ABCC3: variants seen among roughly 807,000 people sequenced by gnomAD.
ABCC3 encodes ATP binding cassette subfamily C member 3, also known as ATP-binding cassette sub-family C member 3.
In ABCC3, 121 loss-of-function variants were observed where a neutral mutation model predicts 165.3. That is an observed-to-expected ratio of 0.73 (90% CI 0.63 to 0.85). ABCC3 has a LOEUF of 0.85. ABCC3 is among the 40% of genes least tolerant of loss of function. ABCC3 has a pLI of 0.00. For synonymous variants in ABCC3, 733 were observed against 810.1 expected, an observed-to-expected ratio of 0.90 and a Z score of 1.62; for missense variants, 1,869 against 1,964.1, an observed-to-expected ratio of 0.95 and a Z score of 0.92.
intron 23 of ABCC3, among the ~76,000 whole-genome samples, chr17:50,677,073 G>A (rs1195004843): frequency 2.0e-5 from 3 of 152,118 alleles, no homozygotes; most frequent in African/African-American, 7.2e-5. Context: ...GTAGAGATGG[G>A]GTTTCACTAT....
chr17:50,640,574 A>G (rs1269681832), intron 1 of ABCC3, among the ~76,000 whole-genome samples: 1 of 152,198 alleles, frequency 6.6e-6, no homozygotes, highest in African/African-American at 2.4e-5. Flanking sequence ...GCTGGAGTGC[A>G]GTGGCGTGAT....
At position 50,683,745 on chromosome 17, in the gene ABCC3, G is replaced by T. The variant is rs370860497; in HGVS notation, c.3943G>T (p.Gly1315Cys). 2.9e-5 allele frequency: 46 copies of T among 1,604,764 alleles called. No homozygotes were observed. The highest frequency in any genetic ancestry group is 3.6e-5 in the Non-Finnish European group (42 of 1,176,674). ...VLRDLSLHVH[G>C]GEKVGIVGRT... ...GAGAGACCTGAGTCTGCATGTGCACGGTGGCGAGAAGGTACGCGTGGGGTA... is the reference window on the plus strand; with the variant it reads ...GAGAGACCTGAGTCTGCATGTGCACTGTGGCGAGAAGGTACGCGTGGGGTA... The change falls in exon 27 of 31, where the codon GGT (glycine) becomes TGT (cysteine). Residue 1315 changes from glycine (G) to cysteine (C), a missense_variant. Gly to Cys is a radical substitution (Grantham distance 159). Coordinates refer to ENST00000285238, the MANE Select transcript of ABCC3 (RefSeq NM_003786.4).
rs377587600 is a variant in ABCC3, at chr17:50,675,437, A to G, written c.2675A>G (p.Asn892Ser). The G allele has an allele frequency of 1.9e-6, 3 of 1,613,940 alleles. No homozygotes were observed. Among genetic ancestry groups the G allele is most frequent in the African/African-American group, 2.7e-5 (2 of 74,920 alleles). Reference protein sequence around the residue: ...TLSNHTDLTDNDPVTYVVQKQ... With the variant: ...TLSNHTDLTDSDPVTYVVQKQ... ...AGCAACCACACGGATCTGACAGACA[A>G]TGATCCAGTCACCTATGTGGTCCAG... The change falls in exon 20 of 31, where the codon AAT becomes AGT. Residue 892 changes from asparagine to serine, a missense_variant. Coordinates refer to ENST00000285238, the MANE Select transcript of ABCC3 (RefSeq NM_003786.4).
intron 1 of ABCC3, among the ~76,000 whole-genome samples, chr17:50,655,047 C>T (rs1967195841): frequency 7.2e-6 from 1 of 139,812 alleles, no homozygotes; most frequent in African/African-American, 2.7e-5. Context: ...TTTCAGTGAG[C>T]CGAGATTGCG....
At chr17:50,655,731 C>A in intron 1 of ABCC3, 101 bp from the exon 2 acceptor site, 1 of 1,100,616 alleles carries the variant, frequency 9.1e-7, no homozygotes. Flanking sequence ...CACTCCACCC[C>A]TGTCTCTGAT....
chr17:50,655,992 T>C lies in ABCC3; in HGVS notation c.206T>C (p.Leu69Pro), dbSNP rs1187322101. The C allele has an allele frequency of 5.0e-6, 8 of 1,613,728 alleles. No homozygotes were observed. The East Asian group carries it at 1.6e-4, about 31-fold the overall frequency. ...CGTGGCTACATCATCCTCTCCCACC[T>C]GTCCAAGCTCAAGATGGTCAGTGGC... Reference protein sequence around the residue: ...HCRGYIILSHLSKLKMVLGVL... With the variant: ...HCRGYIILSHPSKLKMVLGVL... The change falls in exon 2 of 31, where the codon CTG (leucine) becomes CCG (proline). Residue 69 changes from leucine to proline, a missense_variant. Coordinates refer to ENST00000285238, the MANE Select transcript of ABCC3 (RefSeq NM_003786.4).
In ABCC3 at chr17:50,657,280, G is replaced by A. The variant is rs188605909; in HGVS notation, c.486+97G>A. The A allele has an allele frequency of 2.8e-5, 41 of 1,460,880 alleles. No individual in the cohort carries two copies. The East Asian group carries it at 3.7e-4, about 13-fold the overall frequency. The allele number at this position is 1,460,880 out of a possible 1,614,324, so 90.5% of individuals were successfully genotyped here. ...CTGCTGGGTCCCAGGTCCCTCCCTCGAGGCTTCAAGTACAAACACAATTGT... is the reference window on the plus strand; with the variant it reads ...CTGCTGGGTCCCAGGTCCCTCCCTCAAGGCTTCAAGTACAAACACAATTGT... On this transcript the variant is annotated intron_variant, in intron 4 of 30. Coordinates refer to ENST00000285238, the MANE Select transcript of ABCC3 (RefSeq NM_003786.4).
rs781710394 is a variant in ABCC3, at chr17:50,663,981, C to A, written c.1208C>A (p.Ala403Glu). Residue 403 changes from alanine to glutamate, a missense_variant, in exon 10 of 31, where the codon GCG becomes GAG. Ala to Glu is a moderately radical substitution (Grantham distance 107, BLOSUM62 -1). Transcript: ENST00000285238. ...GTTATCACCAACTCAGTCAAACGTG[C>A]GTCCACTGTGGGGGAAATTGTCAAC... ...ALVITNSVKR[A>E]STVGEIVNLM... 6.2e-7 allele frequency: 1 copy of A among 1,614,192 alleles called. No individual in the cohort carries two copies. The highest frequency in any genetic ancestry group is 8.5e-7 in the Non-Finnish European group (1 of 1,180,034).
intron 1 of ABCC3, among the ~76,000 whole-genome samples, chr17:50,642,698 C>G (rs1016470228): frequency 2.6e-5 from 4 of 152,226 alleles, no homozygotes; most frequent in Non-Finnish European, 5.9e-5. Context: ...GTGGCAGAAG[C>G]CATCCTGGAT....
At chr17:50,671,973 C>T (rs1263058935) in intron 17 of ABCC3, among the ~76,000 whole-genome samples, 1 of 151,940 alleles carries the variant, frequency 6.6e-6, no homozygotes, top group Non-Finnish European at 1.5e-5. Context: ...CCACCCACCT[C>T]GACCTCCCAA....
intron 17 of ABCC3, among the ~76,000 whole-genome samples, chr17:50,671,408 C>G (rs545901375): frequency 1.2e-4 from 18 of 152,286 alleles, no homozygotes; most frequent in African/African-American, 3.4e-4. Flanking sequence ...TCCTCATTCC[C>G]CACTGCCCCT....
rs778199640 is a variant in ABCC3, at chr17:50,669,454, A to C, written c.2167A>C (p.Thr723Pro). 6.2e-7 allele frequency: 1 copy of C among 1,614,174 alleles called. No homozygotes were observed. Among genetic ancestry groups the C allele is most frequent in the Non-Finnish European group, 8.5e-7 (1 of 1,180,028 alleles). ...KALNPKRYQQTLEACALLADL... is the reference protein window; with the variant it reads ...KALNPKRYQQPLEACALLADL... ...CCTGAACCCCAAGCGCTACCAGCAG[A>C]CTCTGGAGGCCTGTGCCTTGCTAGC... is the stretch of plus-strand genomic sequence containing the variant. The change falls in exon 17 of 31, where the codon ACT becomes CCT. Residue 723 changes from threonine to proline, a missense_variant. Transcript: ENST00000285238.
Position 50,679,907 on chromosome 17 carries a change from C to T in ABCC3, c.3807+8C>T. ...TCCAAGACAGAGACAGAGGTGGGTA[C>T]TGGCATGAGCCCGGGACAGGGGGAA... On this transcript the variant is annotated splice_region_variant and intron_variant, in intron 26 of 30. Coordinates refer to ENST00000285238, the MANE Select transcript of ABCC3 (RefSeq NM_003786.4). 3 of 1,609,622 alleles carry T rather than the reference C, an allele frequency of 1.9e-6. No individual in the cohort carries two copies. Among genetic ancestry groups the T allele is most frequent in the Non-Finnish European group, 2.6e-6 (3 of 1,176,056 alleles).
At chr17:50,635,793 G>A (rs2054174159) in intron 1 of ABCC3, 1 of 583,970 alleles carries the variant, frequency 1.7e-6, no homozygotes, top group Non-Finnish European at 3.1e-6. Flanking sequence ...AGAGGTGGGA[G>A]GATCACTTCA....
At chr17:50,645,988 G>A (rs1966996068) in intron 1 of ABCC3, among the ~76,000 whole-genome samples, 1 of 152,104 alleles carries the variant, frequency 6.6e-6, no homozygotes, top group African/African-American at 2.4e-5. Context: ...ATAAAATAAA[G>A]GTTCTTCCCT....
At position 50,664,820 on chromosome 17, in the gene ABCC3, T is replaced by C. The variant is rs146795843; in HGVS notation, c.1339-333T>C. On this transcript the variant is annotated intron_variant, in intron 10 of 30. Transcript: ENST00000285238. ...TCTGCAAAGGAATCTTCCCAACATC[T>C]GTTGCTATCCTTCCTGCAGAAGCCA... 2.6e-3 allele frequency: 677 copies of C among 264,388 alleles called. 3 individuals are homozygous for C. The highest frequency in any genetic ancestry group is 0.011 in the Middle Eastern group (8 of 750). 16.4% of individuals were successfully genotyped at this position (264,388 alleles called of 1,614,324 possible).
rs374826627 is a variant in ABCC3, at chr17:50,687,674, T to C, written c.4419T>C (p.Asp1473=). ...LIQATIRTQF[D]TCTVLTIAHR... ...AGGCTACCATCCGCACCCAGTTTGATACCTGCACTGTCCTGACCATCGCAC... is the reference window on the plus strand; with the variant it reads ...AGGCTACCATCCGCACCCAGTTTGACACCTGCACTGTCCTGACCATCGCAC... Residue 1473 remains aspartate (D), a synonymous_variant, in exon 30 of 31, where the codon GAT becomes GAC. Transcript: ENST00000285238. The C allele has an allele frequency of 1.2e-6, 2 of 1,614,228 alleles. No individual in the cohort carries two copies. Among genetic ancestry groups the C allele is most frequent in the Non-Finnish European group, 1.7e-6 (2 of 1,180,040 alleles).
chr17:50,637,349 T>C (rs957935486), intron 1 of ABCC3, among the ~76,000 whole-genome samples: 13 of 152,280 alleles, frequency 8.5e-5, no homozygotes, highest in African/African-American at 3.1e-4. Context: ...GAGTCTACAC[T>C]GGAAGCTGGA....
Position 50,675,380 on chromosome 17 carries a change from A to T in ABCC3, c.2618A>T (p.Asp873Val), listed in dbSNP as rs1219937528. ...ACTGCAGCGTTGGAAGGTGCAGAGGATAAGGAGGCACTGCTGATTGAAGAC... is the reference window on the plus strand; with the variant it reads ...ACTGCAGCGTTGGAAGGTGCAGAGGTTAAGGAGGCACTGCTGATTGAAGAC... ...DSWTALEGAEDKEALLIEDTL... is the reference protein window; with the variant it reads ...DSWTALEGAEVKEALLIEDTL... The change falls in exon 20 of 31, where the codon GAT becomes GTT. Residue 873 changes from aspartate to valine, a missense_variant. By Grantham distance (152) the Asp-to-Val change is radical. Transcript: ENST00000285238. 6.2e-7 allele frequency: 1 copy of T among 1,613,350 alleles called. No individual in the cohort carries two copies. The highest frequency in any genetic ancestry group is 8.5e-7 in the Non-Finnish European group (1 of 1,179,630).
Sources: gnomAD v4.1 joint callset for allele counts (sites outside exome capture counted in the v4.1 genomes callset) on GRCh38, gnomAD v4.1.1 for gene constraint, MANE v1.5 for transcripts, NCBI Gene and HGNC (gene_info 2026-07-23, HGNC 2026-07-21) for gene names.